Variants in SND1 observed in about 807,000 individuals in gnomAD.
The protein encoded by SND1 is staphylococcal nuclease and tudor domain containing 1.
Under a neutral mutation model 121.7 loss-of-function variants are expected in SND1, and 38 were observed. The ratio of observed to expected loss-of-function variants is 0.31; its 90% CI spans 0.24 to 0.41. The LOEUF (loss-of-function observed/expected upper bound fraction) is 0.41. Among genes scored for constraint, SND1 ranks in the 10% least tolerant of loss-of-function variants. The pLI, the probability that SND1 is intolerant of heterozygous loss-of-function variation, is 1.00. For missense variants in SND1, 868 were observed against 1,184.6 expected (o/e 0.73, Z 3.92); for synonymous variants, 401 against 447.4 (o/e 0.90, Z 1.31).
chr7:127,962,665 C>T (rs968914291), intron 15 of SND1, among the ~76,000 whole-genome samples: 3 of 152,208 alleles, frequency 2.0e-5, no homozygotes, highest in Non-Finnish European at 4.4e-5. Flanking sequence ...AGTCTATTCT[C>T]CATCCCCACT....
intron 16 of SND1, among the ~76,000 whole-genome samples, chr7:128,034,008 T>G (rs1224575791): frequency 6.6e-6 from 1 of 152,250 alleles, no homozygotes; most frequent in African/African-American, 2.4e-5. Flanking sequence ...TTGCCACACT[T>G]GTCTCCATTT....
intron 10 of SND1, among the ~76,000 whole-genome samples, chr7:127,763,032 GCC>G (rs1797333466): frequency 6.6e-6 from 1 of 152,120 alleles, no homozygotes; most frequent in South Asian, 2.1e-4. Context: ...CTGTAACCTG[GCC>G]TCTCAGAAAA....
At chr7:127,885,521 CAG>C (rs1014286601) in intron 12 of SND1, among the ~76,000 whole-genome samples, 1 of 152,022 alleles carries the variant, frequency 6.6e-6, no homozygotes, top group African/African-American at 2.4e-5. Flanking sequence ...TCTAAGGCCT[CAG>C]GAACTCCATA....
intron 10 of SND1, among the ~76,000 whole-genome samples, chr7:127,738,537 C>T (rs1796821437): frequency 6.6e-6 from 1 of 152,034 alleles, no homozygotes; most frequent in Admixed American, 6.5e-5. Flanking sequence ...CCTCAGACTC[C>T]CAAAGTGCTG....
chr7:127,887,085 C>T (rs1295825258), intron 12 of SND1, among the ~76,000 whole-genome samples: 1 of 151,976 alleles, frequency 6.6e-6, no homozygotes, highest in African/African-American at 2.4e-5. Context: ...CTCACAGCAA[C>T]CTCAAACTCC....
At chr7:127,686,276 G>A (rs1286982120) in intron 1 of SND1, among the ~76,000 whole-genome samples, 1 of 152,124 alleles carries the variant, frequency 6.6e-6, no homozygotes, top group Non-Finnish European at 1.5e-5. Flanking sequence ...CTTAATAATT[G>A]GAAAGAATGC....
intron 16 of SND1, 139 bp downstream of exon 16, chr7:127,991,195 C>A: frequency 1.6e-6 from 1 of 639,894 alleles, no homozygotes; most frequent in East Asian, 2.8e-5. Context: ...TGTGTCTGCC[C>A]ACATCTTATT....
At chr7:127,847,800 A>C (rs1799094375) in intron 12 of SND1, among the ~76,000 whole-genome samples, 1 of 152,360 alleles carries the variant, frequency 6.6e-6, no homozygotes, top group African/African-American at 2.4e-5. Context: ...AAAGGGCTTT[A>C]TTGTGAGGTC....
intron 15 of SND1, among the ~76,000 whole-genome samples, chr7:127,985,545 A>G (rs948058611): frequency 3.3e-5 from 5 of 152,248 alleles, no homozygotes; most frequent in African/African-American, 1.2e-4. Context: ...GGCTTCAGCC[A>G]CTGTGCCCGG....
intron 18 of SND1, among the ~76,000 whole-genome samples, chr7:128,082,146 G>A (rs1793615629): frequency 6.6e-6 from 1 of 152,200 alleles, no homozygotes. Flanking sequence ...GGGCAGGAGA[G>A]AGCTCTGGCA....
At chr7:127,924,640 G>A (rs989042808) in intron 14 of SND1, among the ~76,000 whole-genome samples, 2 of 152,086 alleles carry the variant, frequency 1.3e-5, no homozygotes, top group East Asian at 3.9e-4. Flanking sequence ...GCTGTCTGGG[G>A]TGGTGGTCTT....
At chr7:127,842,633 C>A (rs1322053096) in intron 11 of SND1, among the ~76,000 whole-genome samples, 1 of 152,102 alleles carries the variant, frequency 6.6e-6, no homozygotes, top group Non-Finnish European at 1.5e-5. Flanking sequence ...CAATTCCAAG[C>A]ATCTTTGTAA....
intron 9 of SND1, among the ~76,000 whole-genome samples, chr7:127,707,871 C>G (rs1380454592): frequency 6.6e-6 from 1 of 151,060 alleles, no homozygotes; most frequent in Admixed American, 6.6e-5. Flanking sequence ...AATTAGCTAA[C>G]TTCAAACTAG....
intron 16 of SND1, among the ~76,000 whole-genome samples, chr7:128,045,183 T>C (rs1792925127): frequency 6.6e-6 from 1 of 152,222 alleles, no homozygotes; most frequent in African/African-American, 2.4e-5. Flanking sequence ...ACGCCAACTT[T>C]CTGTTTCTTG....
At chr7:127,926,296 C>T (rs931497611) in intron 14 of SND1, among the ~76,000 whole-genome samples, 4 of 151,980 alleles carry the variant, frequency 2.6e-5, no homozygotes, top group East Asian at 1.9e-4. Flanking sequence ...TTGAAAGTGC[C>T]GACATCTTTG....
chr7:127,969,477 G>C (rs756076469), intron 15 of SND1, among the ~76,000 whole-genome samples: 20 of 152,190 alleles, frequency 1.3e-4, no homozygotes, highest in Non-Finnish European at 2.8e-4. Flanking sequence ...TGTAATCCCA[G>C]CACTTTGGGA....
chr7:128,075,916 C>A (rs1042946493), intron 17 of SND1, among the ~76,000 whole-genome samples: 5 of 152,240 alleles, frequency 3.3e-5, no homozygotes, highest in African/African-American at 1.2e-4. Context: ...AAGACTGCCA[C>A]CCCCATGTCC....
At chr7:127,793,668 A>C (rs948850282) in intron 10 of SND1, among the ~76,000 whole-genome samples, 17 of 152,292 alleles carry the variant, frequency 1.1e-4, no homozygotes, top group African/African-American at 3.9e-4. Context: ...GTGACATTAC[A>C]TGAAGGAGGA....
rs540404974 is a variant in SND1, at chr7:128,003,594, C to G, written c.1779+12538C>G. 2.0e-5 allele frequency among the ~76,000 whole-genome samples: 3 copies of G among 152,312 alleles called. No homozygotes were observed. The South Asian group carries it at 6.2e-4, about 32-fold the overall frequency. On this transcript the variant is annotated intron_variant, in intron 16 of 23. Coordinates refer to ENST00000354725, the MANE Select transcript of SND1 (RefSeq NM_014390.4). ...ACACATCTCTATAATGCTTGCGGTG[C>G]TGGGGTGCCGTTACCTCTCCAGTTA... is the stretch of plus-strand genomic sequence containing the variant.
Sources: gnomAD v4.1 joint callset for allele counts (sites outside exome capture counted in the v4.1 genomes callset) on GRCh38, gnomAD v4.1.1 for gene constraint, MANE v1.5 for transcripts, NCBI Gene and HGNC (gene_info 2026-07-23, HGNC 2026-07-21) for gene names.